Variants in FBXO11 observed in about 807,000 individuals in gnomAD.
The protein encoded by FBXO11 is F-box only protein 11.
A neutral mutation model predicts 117.0 loss-of-function variants in FBXO11; 13 were observed. The observed-to-expected ratio is 0.11, with a 90% CI of 0.07 to 0.18. The LOEUF (loss-of-function observed/expected upper bound fraction) is 0.18, where lower values mean the gene tolerates loss of function less well. Ranked by LOEUF, FBXO11 falls within the 10% of genes least tolerant of loss-of-function variation. The pLI is 1.00. For synonymous variants in FBXO11, 490 were observed against 380.5 expected, an observed-to-expected ratio of 1.29 and a Z score of -3.35; for missense variants, 767 against 1,164.4, an observed-to-expected ratio of 0.66 and a Z score of 4.97.
chr2:47,824,744 TTATG>T (rs1671623845), intron 11 of FBXO11, among the ~76,000 whole-genome samples: 1 of 152,166 alleles, frequency 6.6e-6, no homozygotes, highest in Admixed American at 6.5e-5. Context: ...TTATGGATAA[TTATG>T]TGTTTCTTCA....
chr2:47,810,933 A>G (rs1670568756), intron 18 of FBXO11: 1 of 152,308 alleles, frequency 6.6e-6, no homozygotes, highest in African/African-American at 2.4e-5. Flanking sequence ...TCTCTAACAA[A>G]CTACTTTCAG....
At chr2:47,848,659 C>T (rs186356668) in intron 1 of FBXO11, among the ~76,000 whole-genome samples, 1 of 152,270 alleles carries the variant, frequency 6.6e-6, no homozygotes, top group Admixed American at 6.5e-5. Context: ...ACACTACAAT[C>T]TTCACTATTA....
intron 16 of FBXO11, among the ~76,000 whole-genome samples, chr2:47,815,677 T>C (rs1282551035): frequency 3.3e-5 from 5 of 152,294 alleles, no homozygotes; most frequent in East Asian, 3.9e-4. Flanking sequence ...CTGGTTGAAA[T>C]TGGCCAAGTG....
At chr2:47,820,547 A>G (rs1671307199) in intron 13 of FBXO11, 91 bp from the exon 14 acceptor site, 1 of 939,890 alleles carries the variant, frequency 1.1e-6, no homozygotes, top group East Asian at 2.6e-5. Flanking sequence ...AAATTCTTAC[A>G]CTAGAATTTT....
At chr2:47,846,164 G>A (rs1054354717) in intron 1 of FBXO11, among the ~76,000 whole-genome samples, 1 of 152,186 alleles carries the variant, frequency 6.6e-6, no homozygotes, top group African/African-American at 2.4e-5. Context: ...AAGTCTAAAA[G>A]CAAGACCTTA....
chr2:47,853,620 T>C (rs1380915120), intron 1 of FBXO11, among the ~76,000 whole-genome samples: 1 of 152,174 alleles, frequency 6.6e-6, no homozygotes, highest in Admixed American at 6.6e-5. Context: ...TACCTTAGCC[T>C]CTTTAACTTA....
At chr2:47,891,716 C>T (rs1289182023) in intron 1 of FBXO11, among the ~76,000 whole-genome samples, 1 of 152,158 alleles carries the variant, frequency 6.6e-6, no homozygotes, top group Admixed American at 6.5e-5. Context: ...ATAATAGTTA[C>T]ACCATTTTGC....
At chr2:47,832,198 T>G (rs1672245886) in intron 11 of FBXO11, 151 bp downstream of exon 11, 1 of 603,994 alleles carries the variant, frequency 1.7e-6, no homozygotes, top group African/African-American at 1.8e-5. Flanking sequence ...AATAAATATT[T>G]CATATTAATT....
At chr2:47,835,152 G>A (rs1278498769) in intron 5 of FBXO11, among the ~76,000 whole-genome samples, 1 of 152,094 alleles carries the variant, frequency 6.6e-6, no homozygotes, top group Non-Finnish European at 1.5e-5. Context: ...GATGTTTAGA[G>A]GTATCCCTGG....
chr2:47,849,902 T>C (rs1673727599), intron 1 of FBXO11, among the ~76,000 whole-genome samples: 1 of 152,198 alleles, frequency 6.6e-6, no homozygotes. Context: ...TAAAATAATT[T>C]AGACCTTATC....
intron 1 of FBXO11, among the ~76,000 whole-genome samples, chr2:47,870,942 C>T (rs1213733289): frequency 6.6e-6 from 1 of 152,228 alleles, no homozygotes; most frequent in African/African-American, 2.4e-5. Flanking sequence ...AGGACATGCA[C>T]ATACTACTAC....
intron 1 of FBXO11, among the ~76,000 whole-genome samples, chr2:47,859,757 T>C (rs989686793): frequency 5.9e-5 from 9 of 152,240 alleles, no homozygotes; most frequent in Non-Finnish European, 1.0e-4. Flanking sequence ...AATTATGTTG[T>C]CTTTTAAGAC....
Position 47,807,096 on chromosome 2 carries a change from T to C in FBXO11, c.*1022A>G, listed in dbSNP as rs866317256. On this transcript the variant is annotated 3_prime_UTR_variant, in exon 23 of 23. Coordinates refer to ENST00000403359, the MANE Select transcript of FBXO11 (RefSeq NM_001190274.2). Reference sequence around the variant, plus strand: ...CACTTTCAGGCTGTTTTATACCCACTGTCACCAATACACATAAATGGGGGA... The same window carrying C: ...CACTTTCAGGCTGTTTTATACCCACCGTCACCAATACACATAAATGGGGGA... 1 of 514,470 alleles carries C rather than the reference T, an allele frequency of 1.9e-6. No homozygotes were observed. Among genetic ancestry groups the C allele is most frequent in the Non-Finnish European group, 3.4e-6 (1 of 290,258 alleles). The allele number at this position is 514,470 out of a possible 1,614,324, so 31.9% of individuals were successfully genotyped here.
chr2:47,864,013 T>G (rs1674996630), intron 1 of FBXO11, among the ~76,000 whole-genome samples: 1 of 152,104 alleles, frequency 6.6e-6, no homozygotes, highest in African/African-American at 2.4e-5. Flanking sequence ...TTTGCTATTT[T>G]GAACAAAATG....
At chr2:47,833,153 A>T in intron 7 of FBXO11, 83 bp from the exon 8 acceptor site, 2 of 850,114 alleles carry the variant, frequency 2.4e-6, no homozygotes, top group Non-Finnish European at 3.9e-6. Context: ...ACTTACTAAA[A>T]ACATTAGTAC....
chr2:47,901,109 ATATGTACACACGTGTGTACATG>A (rs1558488334), intron 1 of FBXO11, among the ~76,000 whole-genome samples: 2 of 112,156 alleles, frequency 1.8e-5, no homozygotes, highest in African/African-American at 6.3e-5. Flanking sequence ...ATATATGTAT[ATATGTACACACGTGTGTACATG>A]TATATATATA....
At chr2:47,842,141 G>T (rs531612600) in intron 1 of FBXO11, among the ~76,000 whole-genome samples, 61 of 151,108 alleles carry the variant, frequency 4.0e-4, no homozygotes, top group Non-Finnish European at 2.1e-4. Context: ...TCAGCCTCCC[G>T]AGTAGCTGGG....
At chr2:47,898,696 G>T (rs1206574985) in intron 1 of FBXO11, among the ~76,000 whole-genome samples, 1 of 152,054 alleles carries the variant, frequency 6.6e-6, no homozygotes, top group African/African-American at 2.4e-5. Flanking sequence ...AACCAGATAA[G>T]TCAACAATCA....
In FBXO11 at chr2:47,902,592, C is replaced by T. The variant is rs1678380196; in HGVS notation, c.232+2897G>A. ...ACATACACACACACATACACATACA[C>T]ACGTGTGTATGTAAATATATTTAAA... On this transcript the variant is annotated intron_variant, in intron 1 of 22. Transcript: ENST00000403359. 3.9e-5 allele frequency among the ~76,000 whole-genome samples: 6 copies of T among 152,150 alleles called. No homozygotes were observed. In the South Asian group the frequency reaches 1.2e-3, roughly 32 times the overall value.
Sources: gnomAD v4.1 joint callset for allele counts (sites outside exome capture counted in the v4.1 genomes callset) on GRCh38, gnomAD v4.1.1 for gene constraint, MANE v1.5 for transcripts, NCBI Gene and HGNC (gene_info 2026-07-23, HGNC 2026-07-21) for gene names.